TPO: variants seen among roughly 807,000 people sequenced by gnomAD.
TPO encodes thyroid microsomal antigen.
TPO carries 78 observed loss-of-function variants against 96.9 expected under a neutral mutation model. That is an observed-to-expected ratio of 0.81 (90% CI 0.67 to 0.97). The LOEUF (loss-of-function observed/expected upper bound fraction) is 0.97, where lower values mean the gene tolerates loss of function less well. TPO is among the 50% of genes least tolerant of loss of function. TPO has a pLI of 0.00. For synonymous variants in TPO, 547 were observed against 538.0 expected, an observed-to-expected ratio of 1.02 and a Z score of -0.23; for missense variants, 1,252 against 1,274.8, an observed-to-expected ratio of 0.98 and a Z score of 0.27.
In TPO at chr2:1,522,674, T is replaced by C. The variant is rs115367327; in HGVS notation, c.2618+5692T>C. Among the ~76,000 whole-genome samples, 797 of 152,186 alleles carry C rather than the reference T, an allele frequency of 5.2e-3. 9 individuals carry two copies. Among genetic ancestry groups the C allele is most frequent in the African/African-American group, 0.018 (765 of 41,496 alleles). On this transcript the variant is annotated intron_variant, in intron 15 of 16. Transcript: ENST00000329066. ...CTCAACCTGGCTTCGAATGTTCAAG[T>C]CTGACACATCGCAAAGGCTACACCC...
chr2:1,453,662 T>C (rs1334386807), intron 5 of TPO, 32 bp from the exon 6 acceptor site: 33 of 1,613,626 alleles, frequency 2.0e-5, no homozygotes, highest in Non-Finnish European at 2.6e-5. Flanking sequence ...TTCTCCCCCA[T>C]CTCAAACACA....
At chr2:1,465,191 C>T (rs938776029) in intron 7 of TPO, among the ~76,000 whole-genome samples, 3 of 152,076 alleles carry the variant, frequency 2.0e-5, no homozygotes, top group Non-Finnish European at 2.9e-5. Context: ...TTTGCATTGT[C>T]GAAGATCAAT....
intron 8 of TPO, among the ~76,000 whole-genome samples, chr2:1,480,693 C>CCG (rs1267006188): frequency 6.6e-6 from 1 of 151,252 alleles, no homozygotes; most frequent in African/African-American, 2.4e-5. Flanking sequence ...TCTCCTCCAT[C>CCG]TGTCCACACC....
intron 5 of TPO, among the ~76,000 whole-genome samples, chr2:1,452,979 C>T (rs1667444461): frequency 2.6e-5 from 4 of 152,032 alleles, no homozygotes; most frequent in Admixed American, 2.6e-4. Flanking sequence ...ATATTTTGAC[C>T]AATAGAACAA....
rs1350463575 is a variant in TPO, at chr2:1,533,393, A to C, written c.2619-7201A>C. Among the ~76,000 whole-genome samples, 3 of 101,880 alleles carry C rather than the reference A, an allele frequency of 2.9e-5. No individual in the cohort carries two copies. The Admixed American group carries it at 3.8e-4, about 13-fold the overall frequency. The allele number at this position is 101,880 out of a possible 152,430, so 66.8% of individuals were successfully genotyped here. A position where few individuals can be genotyped will look rare whatever the true frequency, so the allele number is the denominator to read the frequency against. ...GTGTGCAACCTCCTCAAATCCCCAC[A>C]CTGTTTGCAACCTCCTCAAATCCCC... On this transcript the variant is annotated intron_variant, in intron 15 of 16. Coordinates refer to ENST00000329066, the MANE Select transcript of TPO (RefSeq NM_001206744.2).
chr2:1,494,142 C>A lies in TPO; in HGVS notation c.2006+103C>A, dbSNP rs1348043058. On this transcript the variant is annotated intron_variant, in intron 11 of 16. Coordinates refer to ENST00000329066, the MANE Select transcript of TPO (RefSeq NM_001206744.2). The stretch of plus-strand genomic sequence containing the variant: ...GACCTGCATTCACATTCCGGCTCCA[C>A]CATTCAACTCTTACGTAAGCCTGGT... The A allele has an allele frequency of 4.4e-6, 5 of 1,142,990 alleles. No homozygotes were observed. The African/African-American group carries it at 6.1e-5, about 14-fold the overall frequency. The allele number at this position is 1,142,990 out of a possible 1,614,324, so 70.8% of individuals were successfully genotyped here.
chr2:1,534,301 T>A (rs116081047), intron 15 of TPO, among the ~76,000 whole-genome samples: 2,101 of 73,848 alleles, frequency 0.028, 205 homozygotes, highest in African/African-American at 0.062. Context: ...CACATCCCCC[T>A]CGCTGTGCGC....
At chr2:1,476,310 A>C (rs28910593) in intron 7 of TPO, among the ~76,000 whole-genome samples, 500 of 152,244 alleles carry the variant, frequency 3.3e-3, no homozygotes, top group African/African-American at 0.011. Flanking sequence ...GTGACACCTC[A>C]CCAGGGAGGA....
upstream of TPO, among the ~76,000 whole-genome samples, chr2:1,408,769 A>G (rs1372709000): frequency 6.6e-6 from 1 of 152,244 alleles, no homozygotes; most frequent in East Asian, 1.9e-4. Flanking sequence ...AGAAGTAGGA[A>G]GGACACGGGG....
intron 7 of TPO, among the ~76,000 whole-genome samples, chr2:1,473,566 TTATC>T (rs774874186): frequency 6.0e-4 from 91 of 152,328 alleles, no homozygotes; most frequent in Middle Eastern, 6.8e-3. Flanking sequence ...TAAAATTAAT[TTATC>T]TATTTCAAAA....
chr2:1,477,401 C>T lies in TPO; in HGVS notation c.1135C>T (p.Pro379Ser), dbSNP rs960306707. The T allele has an allele frequency of 6.6e-6, 10 of 1,524,504 alleles. No homozygotes were observed. The highest frequency in any genetic ancestry group is 8.8e-6 in the Non-Finnish European group (10 of 1,139,080). The allele number at this position is 1,524,504 out of a possible 1,614,324, so 94.4% of individuals were successfully genotyped here. Reference sequence around the variant, plus strand: ...CGCGCCTGCGGCCTGTGCGCCCGAGCCCGGCATCCCCGGAGAGACCCGCGG... The same window carrying T: ...CGCGCCTGCGGCCTGTGCGCCCGAGTCCGGCATCCCCGGAGAGACCCGCGG... ...PRAPAACAPE[P>S]GIPGETRGPC... is the part of the protein sequence containing the mutation. Residue 379 changes from proline to serine, a missense_variant, in exon 8 of 17, where the codon CCC becomes TCC. Physicochemically the swap from Pro to Ser is moderately conservative, Grantham distance 74. Transcript: ENST00000329066.
intron 15 of TPO, among the ~76,000 whole-genome samples, chr2:1,536,691 T>G (rs1262866961): frequency 1.5e-5 from 1 of 66,806 alleles, no homozygotes; most frequent in Non-Finnish European, 2.6e-5. Flanking sequence ...CTGTGCAACC[T>G]CCATAAATCC....
chr2:1,529,218 T>TC (rs141597430), intron 15 of TPO, among the ~76,000 whole-genome samples: 1 of 37,638 alleles, frequency 2.7e-5, no homozygotes, highest in Non-Finnish European at 4.2e-5. Context: ...CCTCCTCAAA[T>TC]CCCCCCCACT....
intron 14 of TPO, among the ~76,000 whole-genome samples, chr2:1,511,624 C>T (rs1674138071): frequency 2.0e-5 from 3 of 152,234 alleles, no homozygotes; most frequent in African/African-American, 7.2e-5. Context: ...CCTGAGGACT[C>T]ACCCCTTGGC....
At chr2:1,447,716 T>G (rs1379851842) in intron 5 of TPO, among the ~76,000 whole-genome samples, 2 of 151,966 alleles carry the variant, frequency 1.3e-5, no homozygotes. Context: ...TATAGAGGGG[T>G]GTGTGTGTAT....
At chr2:1,445,479 G>A (rs1319258212) in intron 5 of TPO, among the ~76,000 whole-genome samples, 1 of 118,978 alleles carries the variant, frequency 8.4e-6, no homozygotes, top group Non-Finnish European at 1.8e-5. Context: ...GCTGCAGGAG[G>A]CACCATGCTG....
intron 11 of TPO, 69 bp from the exon 12 acceptor site, chr2:1,495,913 GGGCAGCT>G (rs1476638926): frequency 2.7e-6 from 4 of 1,483,710 alleles, no homozygotes; most frequent in Non-Finnish European, 3.7e-6. Flanking sequence ...ACACAGCTGT[GGGCAGCT>G]GGTCTTGAGT....
At chr2:1,531,193 C>A (rs1386763257) in intron 15 of TPO, among the ~76,000 whole-genome samples, 1 of 113,444 alleles carries the variant, frequency 8.8e-6, no homozygotes, top group South Asian at 3.9e-4. Flanking sequence ...CTCCCCAAAT[C>A]CCCACACTGT....
intron 7 of TPO, among the ~76,000 whole-genome samples, chr2:1,471,443 C>A (rs1038483230): frequency 6.6e-6 from 1 of 151,122 alleles, no homozygotes; most frequent in Non-Finnish European, 1.5e-5. Flanking sequence ...TCCTGTGACC[C>A]CCCCCCACAA....
Sources: allele counts gnomAD v4.1 joint callset (sites outside exome capture counted in the v4.1 genomes callset), GRCh38; gene constraint gnomAD v4.1.1; transcripts MANE v1.5; gene names NCBI Gene and HGNC (gene_info 2026-07-23, HGNC 2026-07-21).